ATP8A2: variants seen among roughly 807,000 people sequenced by gnomAD.
The protein encoded by ATP8A2 is ATPase phospholipid transporting 8A2, also known as phospholipid-transporting ATPase IB.
In ATP8A2, 100 loss-of-function variants were observed where a neutral mutation model predicts 165.6. The observed-to-expected ratio is 0.60, with a 90% CI of 0.51 to 0.71. The LOEUF is 0.71. Among genes scored for constraint, ATP8A2 ranks in the 30% least tolerant of loss-of-function variants. The pLI, the probability that ATP8A2 is intolerant of heterozygous loss-of-function variation, is 0.00. For synonymous variants in ATP8A2, 543 were observed against 548.8 expected (o/e 0.99, Z 0.15); for missense variants, 1,227 against 1,479.5 (o/e 0.83, Z 2.80).
intron 33 of ATP8A2, among the ~76,000 whole-genome samples, chr13:25,890,653 G>T (rs1953329780): frequency 6.6e-6 from 1 of 152,114 alleles, no homozygotes; most frequent in African/African-American, 2.4e-5. Context: ...ATTTTTCTGG[G>T]ACAGACTGAT....
chr13:25,551,189 G>A, intron 10 of ATP8A2, 149 bp from the exon 11 acceptor site: 1 of 668,170 alleles, frequency 1.5e-6, no homozygotes, highest in Non-Finnish European at 2.6e-6. Flanking sequence ...TCAGGAGCAT[G>A]GTACACTTTT....
chr13:25,668,969 A>C (rs1166395806), intron 24 of ATP8A2, among the ~76,000 whole-genome samples: 2 of 151,838 alleles, frequency 1.3e-5, no homozygotes, highest in East Asian at 3.9e-4. Context: ...TTTTTTGTCC[A>C]TGTTTCCATT....
At chr13:26,007,758 A>G (rs561145982) in intron 35 of ATP8A2, among the ~76,000 whole-genome samples, 24 of 152,178 alleles carry the variant, frequency 1.6e-4, no homozygotes, top group Non-Finnish European at 3.2e-4. Context: ...GAAGCCAAGG[A>G]GGCTGCATGG....
chr13:25,526,230 T>C lies in ATP8A2; in HGVS notation c.222-3769T>C, dbSNP rs150642457. 2.6e-5 allele frequency among the ~76,000 whole-genome samples: 4 copies of C among 152,238 alleles called. No homozygotes were observed. In the East Asian group the frequency reaches 7.7e-4, roughly 29 times the overall value. ...TGTGTTATCTTGAAAATCACTGAGT[T>C]CCCTTAAAACTGCTATTTTGAATTC... On this transcript the variant is annotated intron_variant, in intron 2 of 36. Transcript: ENST00000381655.
chr13:25,682,046 A>G (rs1294694689), intron 24 of ATP8A2, among the ~76,000 whole-genome samples: 13 of 152,196 alleles, frequency 8.5e-5, no homozygotes, highest in African/African-American at 2.4e-4. Flanking sequence ...GATAGAAACA[A>G]AATTACTGTG....
At chr13:25,555,623 T>G (rs1294581124) in intron 13 of ATP8A2, among the ~76,000 whole-genome samples, 1 of 147,586 alleles carries the variant, frequency 6.8e-6, no homozygotes, top group East Asian at 1.9e-4. Flanking sequence ...TAATTTAATT[T>G]AATTTATTTT....
At chr13:25,763,291 C>A (rs1369025946) in intron 25 of ATP8A2, among the ~76,000 whole-genome samples, 1 of 152,170 alleles carries the variant, frequency 6.6e-6, no homozygotes, top group Admixed American at 6.5e-5. Flanking sequence ...TGTGAGGCTG[C>A]CTCTTGGTCA....
At chr13:25,405,696 G>C (rs573822811) in intron 1 of ATP8A2, among the ~76,000 whole-genome samples, 3 of 151,976 alleles carry the variant, frequency 2.0e-5, no homozygotes, top group South Asian at 2.1e-4. Context: ...CATGAGTTTT[G>C]AAAAAATGGA....
intron 33 of ATP8A2, among the ~76,000 whole-genome samples, chr13:25,951,157 C>T (rs75859350): frequency 0.033 from 5,025 of 152,204 alleles, 248 homozygotes; most frequent in African/African-American, 0.11. Context: ...AAACATATGT[C>T]CACACGCAAA....
chr13:25,931,608 G>A (rs904402580), intron 33 of ATP8A2, among the ~76,000 whole-genome samples: 6 of 152,126 alleles, frequency 3.9e-5, no homozygotes, highest in Non-Finnish European at 7.3e-5. Flanking sequence ...TCTGCCCGTC[G>A]TGAGGCTGAG....
At chr13:25,640,203 C>G (rs1018449568) in intron 24 of ATP8A2, among the ~76,000 whole-genome samples, 1 of 152,006 alleles carries the variant, frequency 6.6e-6, no homozygotes, top group South Asian at 2.1e-4. Context: ...ACTAGAGAAA[C>G]AAGAGCAAAC....
intron 33 of ATP8A2, among the ~76,000 whole-genome samples, chr13:25,940,605 G>A (rs982367643): frequency 6.6e-6 from 1 of 152,188 alleles, no homozygotes; most frequent in African/African-American, 2.4e-5. Flanking sequence ...AGGACTTCAT[G>A]GAGGGCTGGC....
At chr13:25,891,681 A>G (rs1481676487) in intron 33 of ATP8A2, among the ~76,000 whole-genome samples, 5 of 151,978 alleles carry the variant, frequency 3.3e-5, no homozygotes, top group African/African-American at 4.8e-5. Context: ...TTATCTATTC[A>G]TTAGGGGGCT....
intron 1 of ATP8A2, among the ~76,000 whole-genome samples, chr13:25,373,857 G>C (rs569403375): frequency 6.6e-6 from 1 of 152,200 alleles, no homozygotes; most frequent in Non-Finnish European, 1.5e-5. Context: ...AGATTCAAGA[G>C]TCGTCGGCAG....
At chr13:25,432,213 C>T (rs114406536) in intron 1 of ATP8A2, among the ~76,000 whole-genome samples, 2,807 of 152,222 alleles carry the variant, frequency 0.018, 104 homozygotes, top group African/African-American at 0.063. Context: ...AAGAAAGCTA[C>T]GGTAGCCAGT....
chr13:25,651,326 C>G (rs1458586371), intron 24 of ATP8A2, among the ~76,000 whole-genome samples: 2 of 151,884 alleles, frequency 1.3e-5, no homozygotes, highest in African/African-American at 4.8e-5. Context: ...GCTTGTAGTC[C>G]CAGCTACTCG....
At chr13:25,680,408 C>T (rs892076225) in intron 24 of ATP8A2, among the ~76,000 whole-genome samples, 20 of 152,158 alleles carry the variant, frequency 1.3e-4, no homozygotes, top group African/African-American at 4.3e-4. Flanking sequence ...ATCCTTCCTA[C>T]AGGTTTCAGA....
chr13:25,621,006 G>A (rs1593666900), intron 24 of ATP8A2, among the ~76,000 whole-genome samples: 1 of 152,244 alleles, frequency 6.6e-6, no homozygotes, highest in Middle Eastern at 3.4e-3. Context: ...GGGTGATTGG[G>A]CCTAGGAGTG....
At chr13:25,886,365 G>A (rs1299150893) in intron 33 of ATP8A2, among the ~76,000 whole-genome samples, 1 of 152,146 alleles carries the variant, frequency 6.6e-6, no homozygotes, top group Non-Finnish European at 1.5e-5. Context: ...GGAAACGGTG[G>A]CACTTGCCCT....
Sources: allele counts gnomAD v4.1 joint callset (sites outside exome capture counted in the v4.1 genomes callset), GRCh38; gene constraint gnomAD v4.1.1; transcripts MANE v1.5; gene names NCBI Gene and HGNC (gene_info 2026-07-23, HGNC 2026-07-21).